PACS1: variants seen among roughly 807,000 people sequenced by gnomAD.
PACS1 encodes phosphofurin acidic cluster sorting protein 1, also known as PACS-1.
PACS1 carries 24 observed loss-of-function variants against 115.0 expected under a neutral mutation model. That is an observed-to-expected ratio of 0.21 (90% CI 0.15 to 0.29). PACS1 has a LOEUF of 0.29. Among genes scored for constraint, PACS1 ranks in the 10% least tolerant of loss-of-function variants. PACS1 has a pLI of 1.00. For synonymous variants in PACS1, 453 were observed against 504.5 expected (o/e 0.90, Z 1.37); for missense variants, 838 against 1,251.2 (o/e 0.67, Z 4.98).
chr11:66,074,423 T>C (rs1485514228), intron 1 of PACS1, among the ~76,000 whole-genome samples: 1 of 152,206 alleles, frequency 6.6e-6, no homozygotes, highest in Non-Finnish European at 1.5e-5. Context: ...AGCCTCATTG[T>C]TGATCCCTTC....
chr11:66,129,431 C>CAA (rs71455706), intron 1 of PACS1, among the ~76,000 whole-genome samples: 1 of 114,546 alleles, frequency 8.7e-6, no homozygotes, highest in Admixed American at 9.0e-5. Context: ...GACTCCATAT[C>CAA]AAAAAAAAAA....
intron 2 of PACS1, among the ~76,000 whole-genome samples, chr11:66,199,716 A>C (rs971300129): frequency 2.6e-5 from 4 of 152,158 alleles, no homozygotes; most frequent in African/African-American, 9.6e-5. Context: ...GGAGTAGTTG[A>C]ATGCATTAAA....
chr11:66,240,003 G>A (rs762731248), intron 21 of PACS1, among the ~76,000 whole-genome samples: 2 of 152,254 alleles, frequency 1.3e-5, no homozygotes, highest in Non-Finnish European at 2.9e-5. Flanking sequence ...GTTCTTTCTA[G>A]TGTCTTCCTT....
At chr11:66,229,323 A>G (rs1196176268) in intron 11 of PACS1, among the ~76,000 whole-genome samples, 1 of 152,038 alleles carries the variant, frequency 6.6e-6, no homozygotes, top group African/African-American at 2.4e-5. Context: ...CAGGAGTTCA[A>G]GGCTGCAGTG....
chr11:66,176,462 G>A (rs1859863711), intron 1 of PACS1, among the ~76,000 whole-genome samples: 1 of 146,766 alleles, frequency 6.8e-6, no homozygotes, highest in South Asian at 2.1e-4. Context: ...TGCCCAAGCT[G>A]GAGTGCAGTG....
At chr11:66,216,357 G>GACCT in intron 5 of PACS1, 94 bp downstream of exon 5, 19 of 1,490,350 alleles carry the variant, frequency 1.3e-5, no homozygotes, top group Non-Finnish European at 1.5e-5. Context: ...CTGGGCAAGA[G>GACCT]ACCTTTAGAG....
At chr11:66,154,439 T>G (rs1382384540) in intron 1 of PACS1, among the ~76,000 whole-genome samples, 1 of 152,050 alleles carries the variant, frequency 6.6e-6, no homozygotes. Flanking sequence ...ACCCTGTCTC[T>G]AAAAAATAAA....
At chr11:66,096,008 C>A (rs1857771798) in intron 1 of PACS1, among the ~76,000 whole-genome samples, 1 of 151,406 alleles carries the variant, frequency 6.6e-6, no homozygotes, top group South Asian at 2.1e-4. Flanking sequence ...GATCTGAGTT[C>A]ACTGCAACCT....
intron 11 of PACS1, among the ~76,000 whole-genome samples, chr11:66,228,741 G>A (rs1037462133): frequency 6.6e-6 from 1 of 152,208 alleles, no homozygotes; most frequent in African/African-American, 2.4e-5. Context: ...CTGTTACCCA[G>A]GGGAGAGGGA....
intron 21 of PACS1, 166 bp from the exon 22 acceptor site, chr11:66,241,261 T>A (rs1855808502): frequency 3.5e-6 from 2 of 565,444 alleles, no homozygotes; most frequent in Non-Finnish European, 3.1e-6. Flanking sequence ...CAGATCAGCC[T>A]GATTCTCCTC....
Position 66,236,647 on chromosome 11 carries a change from G to T in PACS1, c.2250+707G>T, listed in dbSNP as rs1307422338. Among the ~76,000 whole-genome samples the T allele has an allele frequency of 6.6e-6, 1 of 152,238 alleles. No homozygotes were observed. Among genetic ancestry groups the T allele is most frequent in the Non-Finnish European group, 1.5e-5 (1 of 68,044 alleles). On this transcript the variant is annotated intron_variant, in intron 19 of 23. Transcript: ENST00000320580. This position sits in a 1 kb window ranked among gnomAD's most constrained non-coding sequence, Gnocchi z 4.2. Reference sequence around the variant, plus strand: ...GCCTGACCTAGGGAGGGGTCCGGGGGAGCTGTGCAGTCCTGCCAGAGGCCA... The same window carrying T: ...GCCTGACCTAGGGAGGGGTCCGGGGTAGCTGTGCAGTCCTGCCAGAGGCCA...
chr11:66,217,815 T>G (rs1312171126), intron 7 of PACS1: 2 of 316,954 alleles, frequency 6.3e-6, no homozygotes, highest in African/African-American at 4.4e-5. Flanking sequence ...CTCTCTCTAG[T>G]CAGCCCCTAC....
In PACS1 at chr11:66,235,983, T is replaced by TG; in HGVS notation, c.2250+45dup. On this transcript the variant is annotated intron_variant, in intron 19 of 23. Coordinates refer to ENST00000320580, the MANE Select transcript of PACS1 (RefSeq NM_018026.4). The surrounding 1 kb of genome is among the most constrained non-coding windows in gnomAD (Gnocchi z 5.6). ...CTGCTTGGCACCCCACCCGTTCTCC[T>TG]GGTCTTCCTGTTCCCCCTTACACAG... is the stretch of plus-strand genomic sequence containing the variant. The TG allele has an allele frequency of 1.3e-6, 2 of 1,539,442 alleles. No individual in the cohort carries two copies. The highest frequency in any genetic ancestry group is 9.0e-7 in the Non-Finnish European group (1 of 1,111,788).
chr11:66,209,948 G>A (rs960604779), intron 2 of PACS1, among the ~76,000 whole-genome samples: 4 of 151,782 alleles, frequency 2.6e-5, no homozygotes, highest in African/African-American at 9.7e-5. Context: ...AATGCTTGTA[G>A]AGTTTAGAAG....
In PACS1 at chr11:66,216,038, T is replaced by G. The variant is rs902248488; in HGVS notation, c.661-81T>G. 4.4e-6 allele frequency: 6 copies of G among 1,365,826 alleles called. No homozygotes were observed. In the Admixed American group the frequency reaches 1.1e-4, roughly 25 times the overall value. 84.6% of individuals were successfully genotyped at this position (1,365,826 alleles called of 1,614,324 possible). A position where few individuals can be genotyped will look rare whatever the true frequency, so the allele number is the denominator to read the frequency against. On this transcript the variant is annotated intron_variant, in intron 4 of 23. Transcript: ENST00000320580. ...CGTATCAGCAGAATGCTGTTGCCCC[T>G]GGGGTCTTGTGCATTCCTTGGCTGT...
At chr11:66,142,101 C>T (rs1859004702) in intron 1 of PACS1, among the ~76,000 whole-genome samples, 1 of 152,034 alleles carries the variant, frequency 6.6e-6, no homozygotes, top group Non-Finnish European at 1.5e-5. Flanking sequence ...TGAGTCACCG[C>T]TCCCGGCCAG....
At chr11:66,232,098 C>T (rs983869370) in intron 13 of PACS1, 74 bp from the exon 14 acceptor site, 26 of 886,360 alleles carry the variant, frequency 2.9e-5, no homozygotes, top group Admixed American at 1.4e-4. Flanking sequence ...ACTCCCCATG[C>T]ACCAGTCCAG....
At chr11:66,207,714 C>G (rs552668100) in intron 2 of PACS1, among the ~76,000 whole-genome samples, 20 of 152,224 alleles carry the variant, frequency 1.3e-4, no homozygotes, top group African/African-American at 4.6e-4. Context: ...TTTTTTGAGA[C>G]AGAGTCTCGT....
intron 10 of PACS1, among the ~76,000 whole-genome samples, chr11:66,226,666 A>G (rs1855474822): frequency 6.6e-6 from 1 of 152,316 alleles, no homozygotes; most frequent in Non-Finnish European, 1.5e-5. Flanking sequence ...GATGCTTCTC[A>G]GTATTATATG....
Sources: gnomAD v4.1 joint callset for allele counts (sites outside exome capture counted in the v4.1 genomes callset) on GRCh38, gnomAD v4.1.1 for gene constraint, Gnocchi (gnomAD v3.1) non-coding constraint, MANE v1.5 for transcripts, NCBI Gene and HGNC (gene_info 2026-07-23, HGNC 2026-07-21) for gene names.